Variants in PARN observed in about 807,000 individuals in gnomAD.
PARN encodes the protein poly(A)-specific ribonuclease, also known as poly(A)-specific ribonuclease PARN.
PARN carries 71 observed loss-of-function variants against 102.8 expected under a neutral mutation model. That is an observed-to-expected ratio of 0.69 (90% CI 0.57 to 0.84). PARN has a LOEUF of 0.84. Ranked by LOEUF, PARN falls within the 40% of genes least tolerant of loss-of-function variation. The probability of loss-of-function intolerance (pLI) is 0.00; values close to 1 mark genes in which losing one functional copy is unlikely to be tolerated. For missense variants in PARN, 782 were observed against 760.9 expected (o/e 1.03, Z -0.33); for synonymous variants, 261 against 252.9 (o/e 1.03, Z -0.30).
At chr16:14,482,601 ACT>A in intron 22 of PARN, 35 bp downstream of exon 22, 1 of 1,486,804 alleles carries the variant, frequency 6.7e-7, no homozygotes, top group African/African-American at 1.4e-5. Flanking sequence ...CATTGCTAGA[ACT>A]CTGGCCTTTT....
At chr16:14,554,671 T>C (rs1050212639) in intron 19 of PARN, among the ~76,000 whole-genome samples, 3 of 151,896 alleles carry the variant, frequency 2.0e-5, no homozygotes, top group African/African-American at 7.3e-5. Context: ...CTTGAATTCC[T>C]GGCCTCAAGT....
At chr16:14,479,471 T>A (rs1054492399) in intron 22 of PARN, among the ~76,000 whole-genome samples, 5 of 149,070 alleles carry the variant, frequency 3.4e-5, no homozygotes. Flanking sequence ...ATATACAAGA[T>A]CGCCACAGTA....
At chr16:14,491,299 C>G (rs1388232208) in intron 21 of PARN, among the ~76,000 whole-genome samples, 4 of 151,004 alleles carry the variant, frequency 2.6e-5, no homozygotes, top group Non-Finnish European at 5.9e-5. Flanking sequence ...CAATAATAAC[C>G]CAGCTCTGTC....
intron 12 of PARN, 114 bp from the exon 13 acceptor site, chr16:14,593,492 TAAAA>T (rs35329440): frequency 1.9e-4 from 6 of 31,806 alleles, no homozygotes; most frequent in Admixed American, 1.2e-3. Context: ...TTTCCAGACT[TAAAA>T]AAAAAAAAAA....
At chr16:14,602,501 C>G (rs1044197999) in intron 11 of PARN, among the ~76,000 whole-genome samples, 15 of 152,278 alleles carry the variant, frequency 9.9e-5, no homozygotes, top group African/African-American at 3.6e-4. Context: ...GAAACCTCAT[C>G]AGGTCAAAAC....
chr16:14,506,963 T>A (rs556807031), intron 21 of PARN, among the ~76,000 whole-genome samples: 1 of 143,506 alleles, frequency 7.0e-6, no homozygotes. Flanking sequence ...TAAGAATGGT[T>A]TTGAAAAAGA....
rs746146759 is a variant in PARN at position 14,610,635 on chromosome 16, G to C, written c.554+9C>G. On this transcript the variant is annotated intron_variant, in intron 7 of 23. Coordinates refer to ENST00000437198, the MANE Select transcript of PARN (RefSeq NM_002582.4). ...ACAATGCACGCTTAGTTTTAATTTA[G>C]GAACTTACACCACTTGGTCAATAAA... The C allele has an allele frequency of 8.2e-6, 13 of 1,576,214 alleles. No individual in the cohort carries two copies. The South Asian group carries it at 1.4e-4, about 17-fold the overall frequency.
At chr16:14,619,400 G>C (rs1439005748) in intron 5 of PARN, among the ~76,000 whole-genome samples, 6 of 151,222 alleles carry the variant, frequency 4.0e-5, no homozygotes, top group Admixed American at 1.3e-4. Flanking sequence ...AGGAGTTTGT[G>C]TGACCAGCCT....
chr16:14,594,750 C>A (rs1360060604), intron 12 of PARN, among the ~76,000 whole-genome samples: 2 of 152,268 alleles, frequency 1.3e-5, no homozygotes, highest in Non-Finnish European at 2.9e-5. Flanking sequence ...GGAGCTTTTA[C>A]TATAACCCAA....
Position 14,574,696 on chromosome 16 carries a change from G to C in PARN, c.1262+6178C>G, listed in dbSNP as rs148143882. Among the ~76,000 whole-genome samples the C allele has an allele frequency of 6.6e-5, 10 of 152,292 alleles. No individual in the cohort carries two copies. In the East Asian group the frequency reaches 1.7e-3, roughly 26 times the overall value. ...CCACTGCACTCCAGCCTGGGCAAGA[G>C]AGTGAGACCCCATCTCAAAAAAAAA... is the stretch of plus-strand genomic sequence containing the variant. On this transcript the variant is annotated intron_variant, in intron 18 of 23. Transcript: ENST00000437198.
chr16:14,614,772 C>T (rs1164361329), intron 6 of PARN, among the ~76,000 whole-genome samples: 1 of 144,566 alleles, frequency 6.9e-6, no homozygotes, highest in African/African-American at 2.6e-5. Flanking sequence ...CACTTGAACC[C>T]AGGAGGCAGA....
intron 22 of PARN, among the ~76,000 whole-genome samples, chr16:14,461,371 T>C (rs1022027160): frequency 6.6e-6 from 1 of 152,240 alleles, no homozygotes; most frequent in Admixed American, 6.5e-5. Flanking sequence ...GTTTAAACAG[T>C]GTGTGCCTTC....
At position 14,548,866 on chromosome 16, in the gene PARN, A is replaced by G. The variant is rs115713642; in HGVS notation, c.1480+3155T>C. 3.0e-3 allele frequency among the ~76,000 whole-genome samples: 454 copies of G among 152,174 alleles called. 2 individuals are homozygous for G. The highest frequency in any genetic ancestry group is 0.01 in the African/African-American group (418 of 41,520). On this transcript the variant is annotated intron_variant, in intron 21 of 23. Transcript: ENST00000437198. ...CTATTTGGGAGGCTGAGTCACAAGA[A>G]TTGCCTGAACCCAGGAGGTGGAGGC... is the stretch of plus-strand genomic sequence containing the variant.
chr16:14,539,342 G>A (rs1966752366), intron 21 of PARN, among the ~76,000 whole-genome samples: 1 of 152,204 alleles, frequency 6.6e-6, no homozygotes, highest in African/African-American at 2.4e-5. Flanking sequence ...GGACACAACA[G>A]CCGCTTTAAT....
intron 21 of PARN, among the ~76,000 whole-genome samples, chr16:14,522,329 A>C (rs1965779912): frequency 6.6e-6 from 1 of 152,218 alleles, no homozygotes; most frequent in Admixed American, 6.5e-5. Flanking sequence ...AGGAGTATTA[A>C]AGGATAATTA....
chr16:14,494,404 A>G (rs1964206329), intron 21 of PARN, among the ~76,000 whole-genome samples: 1 of 152,172 alleles, frequency 6.6e-6, no homozygotes. Flanking sequence ...GGAGTTTCCC[A>G]TGGGGAAATG....
At chr16:14,573,212 A>G (rs1257366538) in intron 18 of PARN, among the ~76,000 whole-genome samples, 9 of 152,208 alleles carry the variant, frequency 5.9e-5, no homozygotes, top group Non-Finnish European at 1.2e-4. Flanking sequence ...ACAACTAAAA[A>G]TTGTATATAT....
At chr16:14,626,758 A>G (rs961513343) in intron 5 of PARN, among the ~76,000 whole-genome samples, 6 of 151,400 alleles carry the variant, frequency 4.0e-5, no homozygotes, top group East Asian at 3.9e-4. Flanking sequence ...GATTACAGGC[A>G]CCCATGACCA....
chr16:14,558,436 TG>T (rs1275956618), intron 18 of PARN: 2 of 151,882 alleles, frequency 1.3e-5, no homozygotes, highest in Non-Finnish European at 2.9e-5. Flanking sequence ...AGGCAGAAGT[TG>T]CAGTGAGTCG....
Sources: allele counts gnomAD v4.1 joint callset (sites outside exome capture counted in the v4.1 genomes callset), GRCh38; gene constraint gnomAD v4.1.1; transcripts MANE v1.5; gene names NCBI Gene and HGNC (gene_info 2026-07-23, HGNC 2026-07-21).